The following CATSPERT variants were observed in gnomAD, a reference collection of about 807,000 sequenced individuals.
The protein encoded by CATSPERT is cation channel sperm-associated targeting subunit tau.
chr2:201,579,579 T>G, the CATSPERT span, among the ~76,000 whole-genome samples: 1 of 152,120 alleles, frequency 6.6e-6, no homozygotes, highest in Non-Finnish European at 1.5e-5. Flanking sequence ...CCACCAAGCC[T>G]GGCTCCCAAG....
At chr2:201,550,794 A>G in the CATSPERT span, 1 of 152,240 alleles carries the variant, frequency 6.6e-6, no homozygotes, top group African/African-American at 2.4e-5. Flanking sequence ...ATCTACACCA[A>G]TCACCCCATT....
the CATSPERT span, among the ~76,000 whole-genome samples, chr2:201,600,720 C>G: frequency 6.6e-6 from 1 of 151,136 alleles, no homozygotes; most frequent in Non-Finnish European, 1.5e-5. Flanking sequence ...TTGGACAAAT[C>G]GATGAATCCT....
the CATSPERT span, chr2:201,553,600 TTCTG>T: frequency 6.6e-6 from 1 of 152,230 alleles, no homozygotes; most frequent in Admixed American, 6.5e-5. Flanking sequence ...TTCTGTACAT[TTCTG>T]TCTATTGATG....
the CATSPERT span, among the ~76,000 whole-genome samples, chr2:201,516,930 C>CTTTTTTTTT: frequency 1.5e-5 from 2 of 135,518 alleles, no homozygotes; most frequent in African/African-American, 2.7e-5. Flanking sequence ...AATAGGAAGG[C>CTTTTTTTTT]TTTTTTTTTT....
the CATSPERT span, chr2:201,550,068 T>C: frequency 6.6e-6 from 1 of 152,144 alleles, no homozygotes; most frequent in African/African-American, 2.4e-5. Context: ...CTTATGGAAA[T>C]GTCAATTTTC....
chr2:201,535,747 A>ATGCATT, the CATSPERT span: 39 of 1,348,756 alleles, frequency 2.9e-5, no homozygotes, highest in Non-Finnish European at 3.6e-5. Flanking sequence ...AGACATTTGA[A>ATGCATT]TGCATTTTCG....
At chr2:201,611,601 A>T in the CATSPERT span, among the ~76,000 whole-genome samples, 39 of 152,178 alleles carry the variant, frequency 2.6e-4, no homozygotes, top group Admixed American at 1.1e-3. Context: ...AGAAAAAAAT[A>T]ATAAAGATTG....
At chr2:201,574,130 A>G in the CATSPERT span, 1 of 1,027,124 alleles carries the variant, frequency 9.7e-7, no homozygotes, top group Non-Finnish European at 1.4e-6. Context: ...CAATTGTTCA[A>G]ACTGAAATAG....
At chr2:201,497,628 G>A in the CATSPERT span, among the ~76,000 whole-genome samples, 1 of 152,162 alleles carries the variant, frequency 6.6e-6, no homozygotes, top group Admixed American at 6.5e-5. Flanking sequence ...CTGGAGGAGA[G>A]GAAGGAGGAT....
At chr2:201,611,339 T>G in the CATSPERT span, among the ~76,000 whole-genome samples, 1 of 152,002 alleles carries the variant, frequency 6.6e-6, no homozygotes, top group East Asian at 1.9e-4. Flanking sequence ...CACAAAGACG[T>G]GGAAATTAAC....
the CATSPERT span, among the ~76,000 whole-genome samples, chr2:201,616,686 T>C: frequency 6.6e-6 from 1 of 152,140 alleles, no homozygotes; most frequent in Non-Finnish European, 1.5e-5. Flanking sequence ...CTATTCAACA[T>C]GGTGTTGGAA....
chr2:201,489,495 A>G, the CATSPERT span, among the ~76,000 whole-genome samples: 2 of 152,186 alleles, frequency 1.3e-5, no homozygotes, highest in Non-Finnish European at 2.9e-5. Flanking sequence ...TGATATTTAT[A>G]CCCTGTCACT....
chr2:201,523,902 C>G, the CATSPERT span, among the ~76,000 whole-genome samples: 1 of 151,938 alleles, frequency 6.6e-6, no homozygotes, highest in Admixed American at 6.6e-5. Flanking sequence ...AATCTCAGAC[C>G]TCAAAGACCA....
chr2:201,581,511 TATATATATATATAA>T, the CATSPERT span, among the ~76,000 whole-genome samples: 10 of 70,462 alleles, frequency 1.4e-4, no homozygotes, highest in East Asian at 4.5e-4. Flanking sequence ...TATATATATA[TATATATATATATAA>T]AATATTCTGG....
At chr2:201,529,688 G>C in the CATSPERT span, among the ~76,000 whole-genome samples, 3 of 152,092 alleles carry the variant, frequency 2.0e-5, no homozygotes, top group African/African-American at 7.2e-5. Flanking sequence ...CACAATACTG[G>C]TCTATGCAAT....
chr2:201,569,843 T>C, the CATSPERT span, among the ~76,000 whole-genome samples: 2 of 152,164 alleles, frequency 1.3e-5, no homozygotes, highest in Non-Finnish European at 1.5e-5. Context: ...GTAAACAAGC[T>C]ATGAGAGCCC....
chr2:201,492,172 A>G, the CATSPERT span: 15 of 1,523,752 alleles, frequency 9.8e-6, no homozygotes, highest in Admixed American at 1.5e-4. Flanking sequence ...TTGTTGAACA[A>G]TTCTTGAATA....
chr2:201,619,096 C>T, the CATSPERT span: 24 of 1,614,084 alleles, frequency 1.5e-5, no homozygotes, highest in East Asian at 5.1e-4. Context: ...ATCAAGTGTG[C>T]TGAAAGGCCT....
At chr2:201,487,968 A>G in the CATSPERT span, 3 of 1,332,876 alleles carry the variant, frequency 2.3e-6, no homozygotes, top group East Asian at 2.4e-5. Context: ...TTAAATTTAC[A>G]AGGACTTCTG....
Sources: gnomAD v4.1 joint callset for allele counts (sites outside exome capture counted in the v4.1 genomes callset) on GRCh38, gnomAD v4.1.1 for gene constraint, MANE v1.5 for transcripts, NCBI Gene and HGNC (gene_info 2026-07-23, HGNC 2026-07-21) for gene names.